The following VEGFB variants were observed in gnomAD, a reference collection of about 807,000 sequenced individuals.
VEGFB encodes vascular endothelial growth factor B, also known as VEGF-related factor.
A neutral mutation model predicts 22.5 loss-of-function variants in VEGFB; 24 were observed. The observed-to-expected ratio is 1.07, with a 90% CI of 0.77 to 1.50. The LOEUF is 1.50. VEGFB is among the 40% of genes most tolerant of loss of function. The probability of loss-of-function intolerance (pLI) is 0.00; values close to 1 mark genes in which losing one functional copy is unlikely to be tolerated. For synonymous variants in VEGFB, 141 were observed against 117.4 expected (o/e 1.20, Z -1.30); for missense variants, 327 against 287.8 (o/e 1.14, Z -0.99).
Position 64,237,083 on chromosome 11 carries a change from C to CGAGAGAGAGAG in VEGFB, c.375-104_375-103insGAGAGAGAGAG, listed in dbSNP as rs1555056088. 80 of 650,388 alleles carry CGAGAGAGAGAG rather than the reference C, an allele frequency of 1.2e-4. 22 individuals carry two copies. The highest frequency in any genetic ancestry group is 5.3e-4 in the Middle Eastern group (1 of 1,876). 40.3% of individuals were successfully genotyped at this position (650,388 alleles called of 1,614,324 possible). ...GGGCAAGAAGAGGGAAACACAGTCT[C>CGAGAGAGAGAG]AAAGAGAGAGAGAGAGAGAGAGAGA... On this transcript the variant is annotated intron_variant, in intron 4 of 6. Coordinates refer to ENST00000309422, the MANE Select transcript of VEGFB (RefSeq NM_003377.5).
intron 1 of VEGFB, 87 bp from the exon 2 acceptor site, chr11:64,235,371 C>G (rs1287622116): frequency 1.6e-6 from 2 of 1,277,276 alleles, no homozygotes; most frequent in African/African-American, 3.0e-5. Flanking sequence ...GTGAAGCCTA[C>G]TGATGCAAGG....
chr11:64,236,455 C>T lies in VEGFB; in HGVS notation c.374+128C>T, dbSNP rs531471096. ...AAGGGGCCGGGCGTGGTAGCTCACG[C>T]CTGTAATCCCAGCACTTTGGGAGGC... On this transcript the variant is annotated intron_variant, in intron 4 of 6. Coordinates refer to ENST00000309422, the MANE Select transcript of VEGFB (RefSeq NM_003377.5). 1,086 of 849,950 alleles carry T rather than the reference C, an allele frequency of 1.3e-3. 2 individuals carry two copies. The highest frequency in any genetic ancestry group is 1.7e-3 in the Non-Finnish European group (905 of 545,794). 52.7% of individuals were successfully genotyped at this position (849,950 alleles called of 1,614,324 possible).
chr11:64,237,649 C>T lies in VEGFB; in HGVS notation c.*16C>T. ...CGGGGCTTAGAGCTCAACCCAGACA[C>T]CTGCAGGTGAGGCGTCTGTGGGGTG... On this transcript the variant is annotated 3_prime_UTR_variant, in exon 6 of 7. Transcript: ENST00000309422. 4.6e-6 allele frequency: 7 copies of T among 1,527,814 alleles called. No homozygotes were observed. Among genetic ancestry groups the T allele is most frequent in the South Asian group, 1.2e-5 (1 of 85,566 alleles). 94.6% of individuals were successfully genotyped at this position (1,527,814 alleles called of 1,614,324 possible). A position where few individuals can be genotyped will look rare whatever the true frequency, so the allele number is the denominator to read the frequency against.
chr11:64,237,956 C>T (rs541938183), intron 6 of VEGFB: 13 of 487,628 alleles, frequency 2.7e-5, no homozygotes, highest in South Asian at 9.7e-5. Context: ...GACATCTGCC[C>T]GGAGTAGAAA....
intron 4 of VEGFB, 82 bp from the exon 5 acceptor site, chr11:64,237,104 AG>A: frequency 1.2e-6 from 1 of 855,830 alleles, no homozygotes; most frequent in Non-Finnish European, 1.8e-6. Context: ...AGAGAGAGAG[AG>A]AGAGAGAGAG....
At chr11:64,235,420 A>G (rs758797788) in intron 1 of VEGFB, 38 bp from the exon 2 acceptor site, 5 of 1,605,908 alleles carry the variant, frequency 3.1e-6, no homozygotes, top group Non-Finnish European at 4.3e-6. Context: ...ACACCCTCCT[A>G]AAGTGTACCT....
Position 64,237,219 on chromosome 11 carries a change from ACAGGTGAGT to A in VEGFB, c.409_410+7del. 1 of 1,609,366 alleles carries A rather than the reference ACAGGTGAGT, an allele frequency of 6.2e-7. No individual in the cohort carries two copies. On this transcript the variant is annotated splice_donor_variant and splice_donor_5th_base_variant and coding_sequence_variant and intron_variant, in exon 5 of 7. Transcript: ENST00000309422. LOFTEE classifies it high-confidence loss of function. ...AAAAAGGACAGTGCTGTGAAGCCAGACAGGTGAGTCTTTTGGACTCCAGCTGAGTAGGGG... is the reference window on the plus strand; with the variant it reads ...AAAAAGGACAGTGCTGTGAAGCCAGACTTTTGGACTCCAGCTGAGTAGGGG...
chr11:64,235,351 C>G, intron 1 of VEGFB, 107 bp from the exon 2 acceptor site: 1 of 1,048,952 alleles, frequency 9.5e-7, no homozygotes, highest in African/African-American at 1.6e-5. Context: ...GGAAAGATGT[C>G]AGAGAGGTGG....
chr11:64,234,890 C>G lies in VEGFB; in HGVS notation c.57C>G (p.Ala19=), dbSNP rs1947229974. The part of the protein sequence containing the change: ...LLAALLQLAP[A]QAPVSQPDAP... ...CCGCACTCCTGCAGCTGGCCCCCGC[C>G]CAGGTACGTGCGGCCCGACAGCGCG... The change falls in exon 1 of 7, where the codon GCC becomes GCG. Residue 19 remains alanine, a synonymous_variant. Coordinates refer to ENST00000309422, the MANE Select transcript of VEGFB (RefSeq NM_003377.5). The surrounding 1 kb of genome is among the most constrained non-coding windows in gnomAD (Gnocchi z 5.3). The G allele has an allele frequency of 2.3e-6, 3 of 1,307,158 alleles. No homozygotes were observed. The highest frequency in any genetic ancestry group is 2.2e-5 in the South Asian group (1 of 45,738). The allele number at this position is 1,307,158 out of a possible 1,614,324, so 81.0% of individuals were successfully genotyped here.
At chr11:64,236,148 G>A (rs934410719) in intron 3 of VEGFB, 106 bp from the exon 4 acceptor site, 2 of 1,539,808 alleles carry the variant, frequency 1.3e-6, no homozygotes, top group East Asian at 4.5e-5. Flanking sequence ...GGGGAGGGCT[G>A]GTGGCCAGCC....
chr11:64,237,596 A>T lies in VEGFB; in HGVS notation c.587A>T (p.Asp196Val). 1 of 1,590,784 alleles carries T rather than the reference A, an allele frequency of 6.3e-7. No homozygotes were observed. The highest frequency in any genetic ancestry group is 8.5e-7 in the Non-Finnish European group (1 of 1,173,208). ...LTPGPAAAAA[D>V]AAASSVAKGG... is the part of the protein sequence containing the mutation. ...CCCGGACCTGCCGCTGCCGCTGCCG[A>T]CGCCGCAGCTTCCTCCGTTGCCAAG... The change falls in exon 6 of 7, where the codon GAC becomes GTC. Residue 196 changes from aspartate (D) to valine (V), a missense_variant. Transcript: ENST00000309422.
chr11:64,237,709 G>T, intron 6 of VEGFB, 54 bp downstream of exon 6: 1 of 1,465,060 alleles, frequency 6.8e-7, no homozygotes, highest in South Asian at 1.3e-5. Flanking sequence ...GCCCTGTCCT[G>T]GAGCAGGTCC....
chr11:64,237,037 C>G (rs1043215490), intron 4 of VEGFB, 150 bp from the exon 5 acceptor site: 3 of 610,806 alleles, frequency 4.9e-6, no homozygotes, highest in East Asian at 7.2e-5. Context: ...GAGCCGAGAC[C>G]ACGCCACTGC....
rs1288991324 is a variant in VEGFB, at chr11:64,234,806, CCCCCGGCGGGCGG to C, written c.-16_-4del. ...CCGCCGGGCTAGGGCGATGCGGGCG[CCCCCGGCGGGCGG>C]CCCCGGCGGGCACCATGAGCCCTCT... On this transcript the variant is annotated 5_prime_UTR_variant, in exon 1 of 7. Coordinates refer to ENST00000309422, the MANE Select transcript of VEGFB (RefSeq NM_003377.5). This position sits in a 1 kb window ranked among gnomAD's most constrained non-coding sequence, Gnocchi z 5.3. 4.0e-4 allele frequency: 451 copies of C among 1,121,052 alleles called. 1 individual carries two copies. Among genetic ancestry groups the C allele is most frequent in the Non-Finnish European group, 3.9e-4 (356 of 916,580 alleles). 69.4% of individuals were successfully genotyped at this position (1,121,052 alleles called of 1,614,324 possible).
In VEGFB at chr11:64,234,974, C is replaced by A; in HGVS notation, c.60+81C>A. 8.5e-7 allele frequency: 1 copy of A among 1,176,698 alleles called. No individual in the cohort carries two copies. Among genetic ancestry groups the A allele is most frequent in the Non-Finnish European group, 1.1e-6 (1 of 930,370 alleles). The allele number at this position is 1,176,698 out of a possible 1,614,324, so 72.9% of individuals were successfully genotyped here. On this transcript the variant is annotated intron_variant, in intron 1 of 6. Coordinates refer to ENST00000309422, the MANE Select transcript of VEGFB (RefSeq NM_003377.5). The surrounding 1 kb of genome is among the most constrained non-coding windows in gnomAD (Gnocchi z 5.3). Reference sequence around the variant, plus strand: ...GCGGAAGTGAGGAGGCGACCCGCGGCCTCGGCCGAGGGGATCTGCGGGGTC... The same window carrying A: ...GCGGAAGTGAGGAGGCGACCCGCGGACTCGGCCGAGGGGATCTGCGGGGTC...
chr11:64,238,370 G>A lies in VEGFB; in HGVS notation c.*37G>A, dbSNP rs572862775. On this transcript the variant is annotated 3_prime_UTR_variant, in exon 7 of 7. Coordinates refer to ENST00000309422, the MANE Select transcript of VEGFB (RefSeq NM_003377.5). ...TCCCTCCTCAGGTGCCGGAAGCTGCGAAGGTGACACATGGCTTTTCAGACT... is the reference window on the plus strand; with the variant it reads ...TCCCTCCTCAGGTGCCGGAAGCTGCAAAGGTGACACATGGCTTTTCAGACT... 2.1e-4 allele frequency: 321 copies of A among 1,536,174 alleles called. 2 individuals are homozygous for A. The highest frequency in any genetic ancestry group is 2.6e-4 in the Non-Finnish European group (298 of 1,146,872).
At chr11:64,236,539 A>G (rs1591080112) in intron 4 of VEGFB, among the ~76,000 whole-genome samples, 1 of 150,642 alleles carries the variant, frequency 6.6e-6, no homozygotes, top group African/African-American at 2.4e-5. Flanking sequence ...CATGGTAAAA[A>G]CCTGTCTCTA....
chr11:64,236,868 A>G (rs1360372027), intron 4 of VEGFB, among the ~76,000 whole-genome samples: 1 of 149,330 alleles, frequency 6.7e-6, no homozygotes, highest in African/African-American at 2.4e-5. Context: ...CACCTGAGGT[A>G]AGGCGTTTGA....
chr11:64,235,898 C>T lies in VEGFB; in HGVS notation c.189C>T (p.Thr63=), dbSNP rs55896476. The change falls in exon 3 of 7, where the codon ACC becomes ACT. Residue 63 remains threonine (T), a synonymous_variant. Coordinates refer to ENST00000309422, the MANE Select transcript of VEGFB (RefSeq NM_003377.5). The stretch of plus-strand genomic sequence containing the variant: ...CCTTGACTGTGGAGCTCATGGGCAC[C>T]GTGGCCAAACAGCTGGTGCCCAGCT... ...VVPLTVELMG[T]VAKQLVPSCV... The T allele has an allele frequency of 1.1e-4, 177 of 1,613,736 alleles. No homozygotes were observed. Among genetic ancestry groups the T allele is most frequent in the Admixed American group, 1.5e-4 (9 of 60,024 alleles).
Sources: allele counts gnomAD v4.1 joint callset (sites outside exome capture counted in the v4.1 genomes callset), GRCh38; gene constraint gnomAD v4.1.1; non-coding constraint Gnocchi (gnomAD v3.1); transcripts MANE v1.5; gene names NCBI Gene and HGNC (gene_info 2026-07-23, HGNC 2026-07-21).